Variants in FAR2 observed in about 807,000 individuals in gnomAD.
FAR2 encodes the protein epididymis secretory protein Li 81.
A neutral mutation model predicts 56.0 loss-of-function variants in FAR2; 19 were observed. That is an observed-to-expected ratio of 0.34 (90% CI 0.24 to 0.50). The LOEUF is 0.50. Among genes scored for constraint, FAR2 ranks in the 20% least tolerant of loss-of-function variants. The pLI, the probability that FAR2 is intolerant of heterozygous loss-of-function variation, is 0.98. For synonymous variants in FAR2, 219 were observed against 218.8 expected, an observed-to-expected ratio of 1.00 and a Z score of -0.01; for missense variants, 508 against 642.2, an observed-to-expected ratio of 0.79 and a Z score of 2.26.
chr12:29,204,901 G>C (rs1947461896), intron 1 of FAR2, among the ~76,000 whole-genome samples: 1 of 152,086 alleles, frequency 6.6e-6, no homozygotes, highest in Non-Finnish European at 1.5e-5. Flanking sequence ...TCACTCCCAT[G>C]ATCCCATCAC....
chr12:29,213,179 A>C (rs1947573169), intron 1 of FAR2, among the ~76,000 whole-genome samples: 1 of 151,902 alleles, frequency 6.6e-6, no homozygotes, highest in Non-Finnish European at 1.5e-5. Flanking sequence ...TCCTCCTTCA[A>C]AGTGACAAAG....
intron 1 of FAR2, among the ~76,000 whole-genome samples, chr12:29,245,165 A>G (rs1948106993): frequency 6.6e-6 from 1 of 152,024 alleles, no homozygotes; most frequent in Non-Finnish European, 1.5e-5. Flanking sequence ...ATTTTTAGTA[A>G]GAGACGGGGT....
intron 2 of FAR2, among the ~76,000 whole-genome samples, chr12:29,271,919 A>G (rs1474144467): frequency 6.6e-6 from 1 of 152,182 alleles, no homozygotes; most frequent in Admixed American, 6.5e-5. Context: ...CTAGTAGAGG[A>G]AAAATTGGAT....
At position 29,266,753 on chromosome 12, in the gene FAR2, A is replaced by G. The variant is rs191658748; in HGVS notation, c.-38-3659A>G. ...TTGCATGCCTGTATCAAAATATCTC[A>G]TGTGCCTTATAAATATATATACCTA... On this transcript the variant is annotated intron_variant, in intron 1 of 11. Coordinates refer to ENST00000536681, the MANE Select transcript of FAR2 (RefSeq NM_001271783.2). 3.9e-5 allele frequency among the ~76,000 whole-genome samples: 6 copies of G among 152,266 alleles called. No individual in the cohort carries two copies. The East Asian group carries it at 1.2e-3, about 29-fold the overall frequency.
intron 1 of FAR2, among the ~76,000 whole-genome samples, chr12:29,190,156 C>T (rs1291182026): frequency 6.6e-6 from 1 of 152,170 alleles, no homozygotes; most frequent in African/African-American, 2.4e-5. Context: ...TTGAGAAGCT[C>T]TTTAGACAAG....
At chr12:29,249,263 C>G (rs1948172644) in intron 1 of FAR2, among the ~76,000 whole-genome samples, 1 of 152,200 alleles carries the variant, frequency 6.6e-6, no homozygotes, top group Non-Finnish European at 1.5e-5. Context: ...TCTTCACAAT[C>G]CACGTTCTTC....
intron 6 of FAR2, among the ~76,000 whole-genome samples, chr12:29,310,449 G>A (rs1288724625): frequency 2.6e-5 from 4 of 152,058 alleles, no homozygotes; most frequent in Admixed American, 6.6e-5. Context: ...GATCTGTGAG[G>A]TGAACTAAGA....
chr12:29,316,837 C>T lies in FAR2; in HGVS notation c.956-4C>T, dbSNP rs1277132737. On this transcript the variant is annotated splice_region_variant and splice_polypyrimidine_tract_variant and intron_variant, in intron 8 of 11. Coordinates refer to ENST00000536681, the MANE Select transcript of FAR2 (RefSeq NM_001271783.2). ...CTCTAGCACTTACTTTCTTTTTTCC[C>T]CAGGAGTCCAAGTCTTGGCAACCTT... 1.9e-6 allele frequency: 3 copies of T among 1,613,290 alleles called. No homozygotes were observed. The highest frequency in any genetic ancestry group is 1.7e-5 in the Admixed American group (1 of 59,822).
chr12:29,188,490 A>G (rs1950067029), intron 1 of FAR2, among the ~76,000 whole-genome samples: 1 of 151,098 alleles, frequency 6.6e-6, no homozygotes, highest in Non-Finnish European at 1.5e-5. Flanking sequence ...TTTGGGGATA[A>G]TTTTAGATTT....
chr12:29,177,812 A>T (rs1949952456), intron 1 of FAR2, among the ~76,000 whole-genome samples: 1 of 146,486 alleles, frequency 6.8e-6, no homozygotes, highest in Non-Finnish European at 1.5e-5. Flanking sequence ...TTTATAATTA[A>T]ATAGCTATTG....
intron 1 of FAR2, among the ~76,000 whole-genome samples, chr12:29,149,870 T>C (rs2136567815): frequency 6.6e-6 from 1 of 152,226 alleles, no homozygotes; most frequent in East Asian, 1.9e-4. Context: ...GCAGCGGTCC[T>C]AGGTCCCCTC....
At chr12:29,318,974 CT>C (rs35945379) in intron 9 of FAR2, among the ~76,000 whole-genome samples, 42,867 of 148,822 alleles carry the variant, frequency 0.29, 6,303 homozygotes, top group East Asian at 0.36. Flanking sequence ...GTACAAAAGT[CT>C]TTTTTTTTTC....
intron 1 of FAR2, among the ~76,000 whole-genome samples, chr12:29,193,944 T>C (rs1439628563): frequency 1.3e-5 from 2 of 152,206 alleles, no homozygotes; most frequent in Non-Finnish European, 2.9e-5. Context: ...GGGGTTCTAA[T>C]TGGTGTGGAG....
intron 1 of FAR2, among the ~76,000 whole-genome samples, chr12:29,221,061 T>C (rs1947683255): frequency 6.6e-6 from 1 of 152,012 alleles, no homozygotes; most frequent in Admixed American, 6.6e-5. Context: ...ACTTGAGGCA[T>C]GAAGTGAGCG....
chr12:29,258,341 C>G (rs139548984), intron 1 of FAR2, among the ~76,000 whole-genome samples: 1 of 151,884 alleles, frequency 6.6e-6, no homozygotes, highest in East Asian at 1.9e-4. Context: ...GGTGACAGAG[C>G]GAGACTCCAT....
intron 2 of FAR2, among the ~76,000 whole-genome samples, chr12:29,274,469 G>A (rs1333276847): frequency 6.6e-6 from 1 of 151,994 alleles, no homozygotes; most frequent in Non-Finnish European, 1.5e-5. Context: ...TTGGTTCCAA[G>A]TCTTTGCTAT....
intron 1 of FAR2, among the ~76,000 whole-genome samples, chr12:29,208,311 C>T (rs1039604948): frequency 6.6e-6 from 1 of 152,198 alleles, no homozygotes; most frequent in Non-Finnish European, 1.5e-5. Flanking sequence ...ACCCTCTACT[C>T]CCACTCAGCA....
chr12:29,163,186 G>A (rs916056786), intron 1 of FAR2, among the ~76,000 whole-genome samples: 1 of 152,230 alleles, frequency 6.6e-6, no homozygotes, highest in Non-Finnish European at 1.5e-5. Context: ...TCTAGAGCTA[G>A]TCTACAAGAT....
chr12:29,310,253 A>G (rs761907722), intron 6 of FAR2, among the ~76,000 whole-genome samples: 1 of 152,344 alleles, frequency 6.6e-6, no homozygotes, highest in Admixed American at 6.5e-5. Flanking sequence ...AAAATGTTCT[A>G]AATTGGTTTC....
Sources: gnomAD v4.1 joint callset for allele counts (sites outside exome capture counted in the v4.1 genomes callset) on GRCh38, gnomAD v4.1.1 for gene constraint, MANE v1.5 for transcripts, NCBI Gene and HGNC (gene_info 2026-07-23, HGNC 2026-07-21) for gene names.